KCNB2: variants seen among roughly 807,000 people sequenced by gnomAD.
The protein encoded by KCNB2 is delayed rectifier potassium channel protein.
KCNB2 carries 15 observed loss-of-function variants against 61.5 expected under a neutral mutation model. That is an observed-to-expected ratio of 0.24 (90% CI 0.16 to 0.38). KCNB2 has a LOEUF of 0.38. Ranked by LOEUF, KCNB2 falls within the 10% of genes least tolerant of loss-of-function variation. The pLI is 1.00. For synonymous variants in KCNB2, 457 were observed against 446.0 expected, an observed-to-expected ratio of 1.02 and a Z score of -0.31; for missense variants, 828 against 1,125.2, an observed-to-expected ratio of 0.74 and a Z score of 3.78.
intron 2 of KCNB2, among the ~76,000 whole-genome samples, chr8:72,886,327 A>T (rs1264920952): frequency 2.0e-5 from 3 of 152,104 alleles, no homozygotes; most frequent in Non-Finnish European, 4.4e-5. Context: ...CATTTCTGTT[A>T]TCCTAAAACC....
chr8:72,569,329 G>C (rs896810857), intron 2 of KCNB2, among the ~76,000 whole-genome samples: 1 of 152,116 alleles, frequency 6.6e-6, no homozygotes, highest in Admixed American at 6.5e-5. Flanking sequence ...CTTCTCTCGT[G>C]AACAGTAATG....
intron 2 of KCNB2, among the ~76,000 whole-genome samples, chr8:72,788,167 G>A (rs62518156): frequency 0.21 from 32,368 of 152,076 alleles, 3,718 homozygotes; most frequent in South Asian, 0.36. Context: ...ATTTTATAGC[G>A]AAAATTGTAA....
chr8:72,865,137 C>T (rs970569021), intron 2 of KCNB2, among the ~76,000 whole-genome samples: 1 of 152,188 alleles, frequency 6.6e-6, no homozygotes, highest in African/African-American at 2.4e-5. Context: ...TTTCCCTTTA[C>T]TTCATCCTGC....
chr8:72,873,936 T>C (rs1169459673), intron 2 of KCNB2, among the ~76,000 whole-genome samples: 1 of 152,244 alleles, frequency 6.6e-6, no homozygotes, highest in Non-Finnish European at 1.5e-5. Flanking sequence ...TATGTAGAAA[T>C]AGCATGTCCT....
At chr8:72,904,654 TA>T (rs572146472) in intron 2 of KCNB2, among the ~76,000 whole-genome samples, 30 of 152,302 alleles carry the variant, frequency 2.0e-4, no homozygotes, top group African/African-American at 6.0e-4. Context: ...AATGTTTTTT[TA>T]TTTTTTTAAT....
At position 72,896,686 on chromosome 8, in the gene KCNB2, A is replaced by G. The variant is rs576057074; in HGVS notation, c.580-39249A>G. ...TTTCAATGATCCAGAAGATATTTCA[A>G]AAAAAACATTGTATTTAAAACTCAG... is the stretch of plus-strand genomic sequence containing the variant. On this transcript the variant is annotated intron_variant, in intron 2 of 2. Transcript: ENST00000523207. Among the ~76,000 whole-genome samples the G allele has an allele frequency of 4.6e-5, 7 of 152,248 alleles. No individual in the cohort carries two copies. The South Asian group carries it at 1.2e-3, about 27-fold the overall frequency.
At chr8:72,546,180 G>A (rs1015948134) in intron 1 of KCNB2, among the ~76,000 whole-genome samples, 1 of 55,346 alleles carries the variant, frequency 1.8e-5, no homozygotes, top group Non-Finnish European at 3.1e-5. Context: ...GCAGAGGTTG[G>A]TTCACAGGTT....
intron 2 of KCNB2, among the ~76,000 whole-genome samples, chr8:72,694,542 C>A (rs1806987769): frequency 6.6e-6 from 1 of 152,144 alleles, no homozygotes; most frequent in African/African-American, 2.4e-5. Context: ...TCAAAATATT[C>A]TGAAAGATGG....
At chr8:72,828,734 G>A (rs955524550) in intron 2 of KCNB2, among the ~76,000 whole-genome samples, 20 of 152,046 alleles carry the variant, frequency 1.3e-4, no homozygotes. Flanking sequence ...CTATAATCAC[G>A]CGTTCTTTAA....
intron 2 of KCNB2, among the ~76,000 whole-genome samples, chr8:72,758,988 A>G (rs1808336081): frequency 6.6e-6 from 1 of 152,204 alleles, no homozygotes; most frequent in African/African-American, 2.4e-5. Flanking sequence ...GAATGAGGAT[A>G]AAATCATGCC....
intron 2 of KCNB2, among the ~76,000 whole-genome samples, chr8:72,574,996 A>C (rs532502847): frequency 1.1e-4 from 17 of 152,330 alleles, no homozygotes; most frequent in African/African-American, 4.1e-4. Flanking sequence ...TTTATCTATC[A>C]TTAAAAGGAA....
At chr8:72,695,209 A>G (rs1007028560) in intron 2 of KCNB2, among the ~76,000 whole-genome samples, 1 of 152,196 alleles carries the variant, frequency 6.6e-6, no homozygotes, top group African/African-American at 2.4e-5. Context: ...ATAAATAACT[A>G]TCAACCTCTC....
chr8:72,808,158 C>T (rs1357035833), intron 2 of KCNB2, among the ~76,000 whole-genome samples: 2 of 152,164 alleles, frequency 1.3e-5, no homozygotes, highest in Non-Finnish European at 2.9e-5. Flanking sequence ...GGGATCAGTA[C>T]TGCCCTGAAA....
chr8:72,540,809 G>A (rs977708276), intron 1 of KCNB2, among the ~76,000 whole-genome samples: 5 of 152,028 alleles, frequency 3.3e-5, no homozygotes, highest in Admixed American at 6.6e-5. Flanking sequence ...TAAAAAGTGC[G>A]TATTCCTATA....
rs545705883 is a variant in KCNB2 at position 72,718,167 on chromosome 8, G to A, written c.579+149854G>A. Among the ~76,000 whole-genome samples, 598 of 152,246 alleles carry A rather than the reference G, an allele frequency of 3.9e-3. 4 individuals carry two copies. Among genetic ancestry groups the A allele is most frequent in the African/African-American group, 0.014 (568 of 41,534 alleles). ...ATCATTAAAAAGTCAGGAAACAACAGGTGCTGGAGAGGATGTGGAGAAATA... is the reference window on the plus strand; with the variant it reads ...ATCATTAAAAAGTCAGGAAACAACAAGTGCTGGAGAGGATGTGGAGAAATA... On this transcript the variant is annotated intron_variant, in intron 2 of 2. Transcript: ENST00000523207.
chr8:72,541,570 T>C (rs1684278029), intron 1 of KCNB2, among the ~76,000 whole-genome samples: 1 of 152,158 alleles, frequency 6.6e-6, no homozygotes, highest in African/African-American at 2.4e-5. Flanking sequence ...CCTAGATTTA[T>C]TTGGAACTGT....
chr8:72,661,561 C>T (rs1056395491), intron 2 of KCNB2: 2 of 152,202 alleles, frequency 1.3e-5, no homozygotes, highest in African/African-American at 4.8e-5. Context: ...TGCCATTTTA[C>T]TCTGTTTAAT....
chr8:72,846,880 C>T (rs1327987076), intron 2 of KCNB2, among the ~76,000 whole-genome samples: 1 of 152,114 alleles, frequency 6.6e-6, no homozygotes, highest in Non-Finnish European at 1.5e-5. Context: ...ACTAGAAATA[C>T]CATTTGACCC....
At position 72,605,808 on chromosome 8, in the gene KCNB2, TA is replaced by T. The variant is rs914286447; in HGVS notation, c.579+37498del. 9.5e-4 allele frequency among the ~76,000 whole-genome samples: 144 copies of T among 152,298 alleles called. 1 individual carries two copies. The highest frequency in any genetic ancestry group is 3.4e-3 in the African/African-American group (142 of 41,576). The stretch of plus-strand genomic sequence containing the variant: ...GCATAAATATAGAGAAGATGGTAAT[TA>T]AATAGAATTTATCTTTATAGGAATA... On this transcript the variant is annotated intron_variant, in intron 2 of 2. Transcript: ENST00000523207.
Sources: allele counts gnomAD v4.1 joint callset (sites outside exome capture counted in the v4.1 genomes callset), GRCh38; gene constraint gnomAD v4.1.1; transcripts MANE v1.5; gene names NCBI Gene and HGNC (gene_info 2026-07-23, HGNC 2026-07-21).